ATP8A1: variants seen among roughly 807,000 people sequenced by gnomAD.
ATP8A1 encodes the protein ATPase phospholipid transporting 8A1.
Under a neutral mutation model 177.7 loss-of-function variants are expected in ATP8A1, and 90 were observed. The ratio of observed to expected loss-of-function variants is 0.51; its 90% CI spans 0.43 to 0.60. ATP8A1 has a LOEUF of 0.60. Ranked by LOEUF, ATP8A1 falls within the 20% of genes least tolerant of loss-of-function variation. The pLI is 0.00. For synonymous variants in ATP8A1, 493 were observed against 485.9 expected, an observed-to-expected ratio of 1.01 and a Z score of -0.19; for missense variants, 1,072 against 1,392.8, an observed-to-expected ratio of 0.77 and a Z score of 3.67.
intron 8 of ATP8A1, among the ~76,000 whole-genome samples, chr4:42,588,025 T>C (rs896428912): frequency 2.0e-5 from 3 of 152,222 alleles, no homozygotes; most frequent in African/African-American, 2.4e-5. Flanking sequence ...AGCTATTACA[T>C]AATTAAAAAT....
intron 25 of ATP8A1, chr4:42,471,937 C>CT (rs1389297958): frequency 1.5e-6 from 1 of 667,304 alleles, no homozygotes; most frequent in East Asian, 3.0e-5. Flanking sequence ...GCTCAGGAAG[C>CT]TGAGTATTAC....
chr4:42,558,568 G>A (rs889444770), intron 15 of ATP8A1, among the ~76,000 whole-genome samples: 1 of 152,054 alleles, frequency 6.6e-6, no homozygotes, highest in Non-Finnish European at 1.5e-5. Flanking sequence ...AATATTCAAA[G>A]AATATATGGC....
intron 33 of ATP8A1, among the ~76,000 whole-genome samples, chr4:42,442,622 T>G (rs2153174343): frequency 6.6e-6 from 1 of 152,332 alleles, no homozygotes; most frequent in East Asian, 1.9e-4. Flanking sequence ...TAACCACAAA[T>G]TTTTAAAAAT....
At chr4:42,573,554 G>C (rs1732114957) in intron 14 of ATP8A1, among the ~76,000 whole-genome samples, 4 of 152,098 alleles carry the variant, frequency 2.6e-5, no homozygotes, top group Admixed American at 2.6e-4. Flanking sequence ...TAAATCAACA[G>C]GCTGTCTTTA....
At chr4:42,650,383 T>C (rs1223596200) in intron 1 of ATP8A1, among the ~76,000 whole-genome samples, 2 of 152,190 alleles carry the variant, frequency 1.3e-5, no homozygotes, top group East Asian at 3.9e-4. Flanking sequence ...CTCATCTCCA[T>C]GTTTCCTTTG....
At chr4:42,583,809 T>C (rs1326496604) in intron 9 of ATP8A1, among the ~76,000 whole-genome samples, 1 of 152,260 alleles carries the variant, frequency 6.6e-6, no homozygotes, top group Non-Finnish European at 1.5e-5. Context: ...TCTTTGTACC[T>C]TGAATCTTGG....
At position 42,627,033 on chromosome 4, in the gene ATP8A1, G is replaced by A; in HGVS notation, c.126C>T (p.Asn42=). The part of the protein sequence containing the change: ...DQEEVRTIFI[N]QPQLTKFCNN... ...TGCAGAATTTTGTCAGCTGGGGCTG[G>A]TTGATGAAAATAGTCCTTACTTCCT... Residue 42 remains asparagine (N), a synonymous_variant, in exon 2 of 37, where the codon AAC becomes AAT. Coordinates refer to ENST00000381668, the MANE Select transcript of ATP8A1 (RefSeq NM_006095.2). 1 of 1,614,084 alleles carries A rather than the reference G, an allele frequency of 6.2e-7. No homozygotes were observed. The highest frequency in any genetic ancestry group is 1.3e-5 in the African/African-American group (1 of 75,048).
intron 24 of ATP8A1, among the ~76,000 whole-genome samples, chr4:42,488,074 T>A (rs946973645): frequency 6.6e-6 from 1 of 152,136 alleles, no homozygotes; most frequent in East Asian, 1.9e-4. Flanking sequence ...ACAAGCAAAA[T>A]TTACTAATGA....
intron 25 of ATP8A1, among the ~76,000 whole-genome samples, chr4:42,473,164 ATTTAC>A (rs1035474342): frequency 4.6e-5 from 7 of 152,296 alleles, no homozygotes; most frequent in African/African-American, 1.7e-4. Flanking sequence ...TGATTCAAGT[ATTTAC>A]TTAAGTATTA....
chr4:42,414,058 A>G (rs1577882984), intron 36 of ATP8A1, among the ~76,000 whole-genome samples: 1 of 149,398 alleles, frequency 6.7e-6, no homozygotes, highest in Admixed American at 6.8e-5. Context: ...AGCATTAGAC[A>G]TGAGTATACG....
At chr4:42,646,595 T>C (rs1439993038) in intron 1 of ATP8A1, among the ~76,000 whole-genome samples, 2 of 152,142 alleles carry the variant, frequency 1.3e-5, no homozygotes, top group Non-Finnish European at 2.9e-5. Flanking sequence ...CTGCATACCA[T>C]TGTTTGCTTG....
chr4:42,622,082 G>A (rs1737520843), intron 4 of ATP8A1, among the ~76,000 whole-genome samples: 2 of 152,072 alleles, frequency 1.3e-5, no homozygotes. Context: ...ATGGATTAAA[G>A]ACTTAAATGA....
At chr4:42,586,808 G>A (rs141592039) in intron 8 of ATP8A1, among the ~76,000 whole-genome samples, 261 of 152,356 alleles carry the variant, frequency 1.7e-3, no homozygotes, top group Admixed American at 2.8e-3. Flanking sequence ...TACAGTCTGA[G>A]TCTGTCTTCA....
intron 27 of ATP8A1, among the ~76,000 whole-genome samples, chr4:42,458,511 T>C (rs556771875): frequency 2.0e-5 from 3 of 152,296 alleles, no homozygotes; most frequent in East Asian, 3.9e-4. Flanking sequence ...AAAATCTCTC[T>C]TTAAAAGGAG....
chr4:42,621,314 G>C (rs1174414521), intron 4 of ATP8A1, among the ~76,000 whole-genome samples: 2 of 152,186 alleles, frequency 1.3e-5, no homozygotes, highest in Non-Finnish European at 2.9e-5. Flanking sequence ...TCCTAACATG[G>C]CAAATGCCAT....
In ATP8A1 at chr4:42,539,590, G is replaced by C. The variant is rs139925429; in HGVS notation, c.1722+4327C>G. The stretch of plus-strand genomic sequence containing the variant: ...TATAGTAACCAAACAACATGGTATT[G>C]GTACAAAAATAGACACATAAATCTA... On this transcript the variant is annotated intron_variant, in intron 20 of 36. Transcript: ENST00000381668. Among the ~76,000 whole-genome samples, 245 of 151,946 alleles carry C rather than the reference G, an allele frequency of 1.6e-3. 1 individual carries two copies. The highest frequency in any genetic ancestry group is 1.9e-3 in the Non-Finnish European group (132 of 67,962).
chr4:42,413,198 T>C (rs1228079311), intron 36 of ATP8A1, among the ~76,000 whole-genome samples, 185 bp from the exon 37 acceptor site: 1 of 152,200 alleles, frequency 6.6e-6, no homozygotes, highest in Non-Finnish European at 1.5e-5. Flanking sequence ...AAGAGTGGGA[T>C]GATCTTAGGT....
intron 20 of ATP8A1, among the ~76,000 whole-genome samples, chr4:42,536,657 G>A (rs1727855340): frequency 6.6e-6 from 1 of 152,122 alleles, no homozygotes; most frequent in African/African-American, 2.4e-5. Context: ...AAAAACTACA[G>A]ACCGATATCC....
chr4:42,608,129 G>C (rs563299880), intron 5 of ATP8A1, among the ~76,000 whole-genome samples: 1 of 152,010 alleles, frequency 6.6e-6, no homozygotes, highest in Non-Finnish European at 1.5e-5. Context: ...TTTCTTTTTT[G>C]AATGAAAACA....
Sources: gnomAD v4.1 joint callset for allele counts (sites outside exome capture counted in the v4.1 genomes callset) on GRCh38, gnomAD v4.1.1 for gene constraint, MANE v1.5 for transcripts, NCBI Gene and HGNC (gene_info 2026-07-23, HGNC 2026-07-21) for gene names.